Variants in IPO7 observed in about 807,000 individuals in gnomAD.
The protein encoded by IPO7 is importin 7.
IPO7 carries 13 observed loss-of-function variants against 136.4 expected under a neutral mutation model. That is an observed-to-expected ratio of 0.10 (90% CI 0.06 to 0.15). IPO7 has a LOEUF of 0.15. IPO7 is among the 10% of genes least tolerant of loss of function. IPO7 has a pLI of 1.00. For missense variants in IPO7, 857 were observed against 1,240.6 expected (o/e 0.69, Z 4.65); for synonymous variants, 403 against 404.4 (o/e 1.00, Z 0.04).
rs556714857 is a variant in IPO7, at chr11:9,428,542, A to G, written c.1338A>G (p.Lys446=). The part of the protein sequence containing the change: ...IGSLAEILLK[K]KIYKDQMEYM... Reference sequence around the variant, plus strand: ...ATAACTGTTGTTTATATTTACAGAAAAAGATCTATAAAGATCAGATGGAAT... The same window carrying G: ...ATAACTGTTGTTTATATTTACAGAAGAAGATCTATAAAGATCAGATGGAAT... The change falls in exon 13 of 25, where the codon AAA becomes AAG. Residue 446 remains lysine, a splice_region_variant and synonymous_variant. Coordinates refer to ENST00000379719, the MANE Select transcript of IPO7 (RefSeq NM_006391.3). 17 of 1,400,156 alleles carry G rather than the reference A, an allele frequency of 1.2e-5. No individual in the cohort carries two copies. In the South Asian group the frequency reaches 1.9e-4, roughly 15 times the overall value. 86.7% of individuals were successfully genotyped at this position (1,400,156 alleles called of 1,614,324 possible). A position where few individuals can be genotyped will look rare whatever the true frequency, so the allele number is the denominator to read the frequency against.
Position 9,414,332 on chromosome 11 carries a change from T to C in IPO7, c.557T>C (p.Ile186Thr). 1 of 1,613,178 alleles carries C rather than the reference T, an allele frequency of 6.2e-7. No individual in the cohort carries two copies. Among genetic ancestry groups the C allele is most frequent in the Non-Finnish European group, 8.5e-7 (1 of 1,179,216 alleles). Residue 186 changes from isoleucine (I) to threonine (T), a missense_variant, in exon 5 of 25, where the codon ATC becomes ACC. By Grantham distance (89) the Ile-to-Thr change is moderately conservative. This residue lies in a region of IPO7 where 287 missense variants were observed against 307.5 expected (regional missense o/e 0.93). Transcript: ENST00000379719. ...HFLPVLKDRF[I>T]QLLSDQSDQS... ...CTGCCAGTTCTAAAGGATCGTTTTA[T>C]CCAGCTTCTTTCTGACCAGTCTGAT... is the stretch of plus-strand genomic sequence containing the variant.
chr11:9,414,618 T>TC (rs1855014223), intron 5 of IPO7: 1 of 200,734 alleles, frequency 5.0e-6, no homozygotes, highest in African/African-American at 2.8e-5. Flanking sequence ...CCCTAATGAA[T>TC]CTTTTTTTTT....
rs191696712 is a variant in IPO7, at chr11:9,384,851, A to G, written c.84+4A>G. The G allele has an allele frequency of 2.5e-6, 4 of 1,592,356 alleles. No homozygotes were observed. The highest frequency in any genetic ancestry group is 3.5e-5 in the Admixed American group (2 of 57,894). On this transcript the variant is annotated splice_donor_region_variant and intron_variant, in intron 1 of 24. Transcript: ENST00000379719. ...CGCGGAGCGCCAGCTCAATGAAGTAAGGACGCCCGGCTAGCGGTGGCGGCG... is the reference window on the plus strand; with the variant it reads ...CGCGGAGCGCCAGCTCAATGAAGTAGGGACGCCCGGCTAGCGGTGGCGGCG...
intron 8 of IPO7, among the ~76,000 whole-genome samples, chr11:9,422,227 C>T (rs1319985915): frequency 1.3e-5 from 2 of 150,918 alleles, no homozygotes; most frequent in South Asian, 2.1e-4. Context: ...TGCGGTGGGC[C>T]GAGATTGCAC....
At position 9,414,351 on chromosome 11, in the gene IPO7, G is replaced by A; in HGVS notation, c.576G>A (p.Gln192=). The A allele has an allele frequency of 6.2e-7, 1 of 1,612,618 alleles. No homozygotes were observed. The highest frequency in any genetic ancestry group is 8.5e-7 in the Non-Finnish European group (1 of 1,178,818). The stretch of plus-strand genomic sequence containing the variant: ...GTTTTATCCAGCTTCTTTCTGACCA[G>A]TCTGATCAGTCTGTCCTCATCCAGA... ...KDRFIQLLSD[Q]SDQSVLIQKQ... Residue 192 remains glutamine (Q), a synonymous_variant, in exon 5 of 25, where the codon CAG becomes CAA. Transcript: ENST00000379719.
At chr11:9,439,836 G>A (rs897353679) in intron 22 of IPO7, among the ~76,000 whole-genome samples, 2 of 152,100 alleles carry the variant, frequency 1.3e-5, no homozygotes, top group Non-Finnish European at 2.9e-5. Flanking sequence ...GCCTCCTAAA[G>A]TGTTGGGATT....
intron 24 of IPO7, among the ~76,000 whole-genome samples, chr11:9,442,826 C>T (rs989120268): frequency 2.0e-5 from 3 of 151,902 alleles, no homozygotes; most frequent in South Asian, 2.1e-4. Context: ...AGTTTGAGAC[C>T]AGCCTGGGCA....
chr11:9,403,533 G>C (rs1228573636), intron 2 of IPO7, 162 bp downstream of exon 2: 1 of 559,794 alleles, frequency 1.8e-6, no homozygotes, highest in African/African-American at 1.9e-5. Flanking sequence ...TTGATATCTG[G>C]TGGCAGAGTT....
intron 1 of IPO7, among the ~76,000 whole-genome samples, chr11:9,387,340 C>T (rs1467175449): frequency 1.3e-5 from 2 of 152,156 alleles, no homozygotes; most frequent in African/African-American, 4.8e-5. Flanking sequence ...GCCCTTCTGC[C>T]TCAGAGTCTT....
intron 22 of IPO7, among the ~76,000 whole-genome samples, 194 bp downstream of exon 22, chr11:9,438,479 G>T (rs893245794): frequency 6.6e-6 from 1 of 152,018 alleles, no homozygotes; most frequent in Non-Finnish European, 1.5e-5. Flanking sequence ...ACAAAAATTA[G>T]CTGGGTGTAG....
chr11:9,421,761 A>G lies in IPO7; in HGVS notation c.906+1063A>G, dbSNP rs538261919. ...AGATCAAGACCATCCTGGCTAACAC[A>G]GTGAAACCCCATTTCTACTAAAAAT... On this transcript the variant is annotated intron_variant, in intron 8 of 24. Coordinates refer to ENST00000379719, the MANE Select transcript of IPO7 (RefSeq NM_006391.3). 1.2e-3 allele frequency among the ~76,000 whole-genome samples: 173 copies of G among 150,076 alleles called. 1 individual carries two copies. Among genetic ancestry groups the G allele is most frequent in the African/African-American group, 3.6e-3 (148 of 40,702 alleles).
intron 12 of IPO7, among the ~76,000 whole-genome samples, chr11:9,426,557 G>A (rs1234399256): frequency 5.9e-5 from 9 of 152,000 alleles, no homozygotes; most frequent in South Asian, 2.1e-4. Context: ...TTGAGACACC[G>A]CAGAACCCAT....
At position 9,438,233 on chromosome 11, in the gene IPO7, A is replaced by G; in HGVS notation, c.2643A>G (p.Glu881=). 1.2e-6 allele frequency: 2 copies of G among 1,610,624 alleles called. No individual in the cohort carries two copies. Among genetic ancestry groups the G allele is most frequent in the Non-Finnish European group, 8.5e-7 (1 of 1,177,454 alleles). ...AAAGAGCATATGCCTGCCATGCAGA[A>G]CATGAGAATGACAGTGATGATGATG... The part of the protein sequence containing the change: ...GLKRAYACHA[E]HENDSDDDDE... Residue 881 remains glutamate (E), a synonymous_variant, in exon 22 of 25, where the codon GAA becomes GAG. Transcript: ENST00000379719.
intron 12 of IPO7, among the ~76,000 whole-genome samples, chr11:9,427,494 AG>A (rs1310856318): frequency 1.3e-5 from 2 of 152,198 alleles, no homozygotes; most frequent in Non-Finnish European, 2.9e-5. Flanking sequence ...TCCTGACCTC[AG>A]GTGATCCACC....
chr11:9,420,417 C>T lies in IPO7; in HGVS notation c.733C>T (p.Leu245Phe). ...AATAAGTGTCTTTTTAAAGGAAACACTTCAAGTTGAAGAAGATGATCGACC... is the reference window on the plus strand; with the variant it reads ...AATAAGTGTCTTTTTAAAGGAAACATTTCAAGTTGAAGAAGATGATCGACC... The part of the protein sequence containing the change: ...VVNRDVPNET[L>F]QVEEDDRPEL... Residue 245 changes from leucine (L) to phenylalanine (F), a missense_variant, in exon 7 of 25, where the codon CTT (leucine) becomes TTT (phenylalanine). This residue lies in a region of IPO7 where 287 missense variants were observed against 307.5 expected (regional missense o/e 0.93). Coordinates refer to ENST00000379719, the MANE Select transcript of IPO7 (RefSeq NM_006391.3). 6.2e-7 allele frequency: 1 copy of T among 1,603,854 alleles called. No homozygotes were observed. The highest frequency in any genetic ancestry group is 8.5e-7 in the Non-Finnish European group (1 of 1,172,574).
intron 22 of IPO7, 51 bp downstream of exon 22, chr11:9,438,336 A>G: frequency 8.4e-7 from 1 of 1,193,822 alleles, no homozygotes. Flanking sequence ...TAGAAATATT[A>G]CCGCACTGGG....
At chr11:9,421,295 T>C (rs1855123712) in intron 8 of IPO7, among the ~76,000 whole-genome samples, 1 of 149,736 alleles carries the variant, frequency 6.7e-6, no homozygotes, top group Admixed American at 6.7e-5. Context: ...CCTCAAGTTT[T>C]AACACCAGTA....
At chr11:9,392,171 C>CTTTTTTTTTTTTTTT in intron 1 of IPO7, 2 of 183,702 alleles carry the variant, frequency 1.1e-5, no homozygotes, top group South Asian at 4.2e-5. Flanking sequence ...TTGTCAAATT[C>CTTTTTTTTTTTTTTT]TTTTTTTTTT....
chr11:9,438,761 T>C (rs1855419647), intron 22 of IPO7, among the ~76,000 whole-genome samples: 1 of 152,232 alleles, frequency 6.6e-6, no homozygotes, highest in Admixed American at 6.5e-5. Flanking sequence ...TTCAGCTGTA[T>C]TACCAACATG....
Sources: allele counts gnomAD v4.1 joint callset (sites outside exome capture counted in the v4.1 genomes callset), GRCh38; gene constraint gnomAD v4.1.1; regional missense constraint gnomAD v4.1.1; transcripts MANE v1.5; gene names NCBI Gene and HGNC (gene_info 2026-07-23, HGNC 2026-07-21).